The following AGMO variants were observed in gnomAD, a reference collection of about 807,000 sequenced individuals.
AGMO encodes the protein glyceryl-ether monooxygenase.
In AGMO, 75 loss-of-function variants were observed where a neutral mutation model predicts 60.2. That is an observed-to-expected ratio of 1.25 (90% confidence interval 1.03 to 1.51). The LOEUF (loss-of-function observed/expected upper bound fraction) is 1.51. Ranked by LOEUF, AGMO falls within the 40% of genes most tolerant of loss-of-function variation. The pLI, the probability that AGMO is intolerant of heterozygous loss-of-function variation, is 0.00. For missense variants in AGMO, 763 were observed against 525.5 expected, an observed-to-expected ratio of 1.45 and a Z score of -4.42; for synonymous variants, 261 against 177.1, an observed-to-expected ratio of 1.47 and a Z score of -3.76.
chr7:15,348,143 T>A (rs1412701506), intron 12 of AGMO, among the ~76,000 whole-genome samples: 1 of 152,048 alleles, frequency 6.6e-6, no homozygotes, highest in Non-Finnish European at 1.5e-5. Context: ...AGAATCCCTA[T>A]TGACATGTAA....
Position 15,560,901 on chromosome 7 carries a change from T to C in AGMO, c.127-630A>G, listed in dbSNP as rs549837413. Among the ~76,000 whole-genome samples, 5 of 152,278 alleles carry C rather than the reference T, an allele frequency of 3.3e-5. No homozygotes were observed. In the South Asian group the frequency reaches 6.2e-4, roughly 19 times the overall value. The stretch of plus-strand genomic sequence containing the variant: ...TTGAATTTGGTTTGATATTGCAGTA[T>C]AAACAATAATAATTTATGAAGATAT... On this transcript the variant is annotated intron_variant, in intron 1 of 12. Transcript: ENST00000342526.
At chr7:15,212,593 T>G (rs896094506) in intron 12 of AGMO, among the ~76,000 whole-genome samples, 2 of 152,014 alleles carry the variant, frequency 1.3e-5, no homozygotes, top group African/African-American at 4.8e-5. Flanking sequence ...ATATTACATT[T>G]TCTACTGACT....
At chr7:15,173,127 T>C in the AGMO span, among the ~76,000 whole-genome samples, 5 of 152,316 alleles carry the variant, frequency 3.3e-5, no homozygotes, top group Admixed American at 2.6e-4. Context: ...AGTAAATCTA[T>C]TGAATATATT....
intron 3 of AGMO, among the ~76,000 whole-genome samples, chr7:15,493,365 CTTTTTT>C (rs71004387): frequency 6.2e-4 from 41 of 66,638 alleles, no homozygotes; most frequent in African/African-American, 2.6e-3. Flanking sequence ...ACACACACTT[CTTTTTT>C]TTTTTTTTTT....
At chr7:15,245,349 G>A (rs28464687) in intron 12 of AGMO, among the ~76,000 whole-genome samples, 2 of 152,078 alleles carry the variant, frequency 1.3e-5, no homozygotes, top group African/African-American at 4.8e-5. Flanking sequence ...TTTGACCAGG[G>A]GAAATGCTAA....
At chr7:15,397,281 C>T (rs945716481) in intron 5 of AGMO, among the ~76,000 whole-genome samples, 5 of 152,012 alleles carry the variant, frequency 3.3e-5, no homozygotes, top group Admixed American at 6.6e-5. Context: ...CCAGCAGGCG[C>T]CGGCTGGCCG....
chr7:15,302,515 A>G (rs996675672), intron 12 of AGMO, among the ~76,000 whole-genome samples: 1 of 152,194 alleles, frequency 6.6e-6, no homozygotes, highest in Non-Finnish European at 1.5e-5. Context: ...AAACTTCAAA[A>G]TATAATACAG....
In AGMO at chr7:15,354,470, ATACACACGTGTG is replaced by A. The variant is rs1782427874; in HGVS notation, c.1263+11032_1263+11043del. Among the ~76,000 whole-genome samples the A allele has an allele frequency of 4.3e-4, 12 of 27,628 alleles. 2 individuals are homozygous for A. The highest frequency in any genetic ancestry group is 7.1e-4 in the African/African-American group (4 of 5,632). The allele number at this position is 27,628 out of a possible 152,430, so 18.1% of individuals were successfully genotyped here. ...CGTGTGTGTATACACACGTGTGTGT[ATACACACGTGTG>A]TATATACACACGTGTATATATATAT... On this transcript the variant is annotated intron_variant, in intron 12 of 12. Transcript: ENST00000342526.
chr7:15,349,925 G>T (rs1345311685), intron 12 of AGMO, among the ~76,000 whole-genome samples: 1 of 152,048 alleles, frequency 6.6e-6, no homozygotes, highest in Admixed American at 6.6e-5. Context: ...GGGATTATGG[G>T]AACTAAAATT....
intron 3 of AGMO, among the ~76,000 whole-genome samples, chr7:15,495,835 T>C (rs556918534): frequency 1.5e-5 from 2 of 136,232 alleles, no homozygotes; most frequent in African/African-American, 5.9e-5. Context: ...TCTCTCTCTC[T>C]CTCTCTCCTC....
chr7:15,322,641 AATATATAAATAT>A (rs1465814590), intron 12 of AGMO, among the ~76,000 whole-genome samples: 1 of 50,712 alleles, frequency 2.0e-5, no homozygotes, highest in South Asian at 6.9e-4. Flanking sequence ...AATATATATA[AATATATAAATAT>A]ATATATAAAT....
chr7:15,280,558 G>A (rs999023237), intron 12 of AGMO, among the ~76,000 whole-genome samples: 4 of 152,106 alleles, frequency 2.6e-5, no homozygotes, highest in Admixed American at 2.6e-4. Flanking sequence ...CAGCTCTACG[G>A]CCCCACCTAT....
the AGMO span, among the ~76,000 whole-genome samples, chr7:15,120,305 C>G: frequency 6.6e-6 from 1 of 152,036 alleles, no homozygotes; most frequent in Non-Finnish European, 1.5e-5. Flanking sequence ...ATGGTTGATC[C>G]TAAGATCTCA....
intron 12 of AGMO, among the ~76,000 whole-genome samples, chr7:15,263,376 G>T (rs1783334405): frequency 6.6e-6 from 1 of 150,744 alleles, no homozygotes; most frequent in African/African-American, 2.5e-5. Context: ...AAACCACAAT[G>T]CGATAACACC....
At chr7:15,316,609 TACAC>T (rs67680341) in intron 12 of AGMO, among the ~76,000 whole-genome samples, 3 of 151,208 alleles carry the variant, frequency 2.0e-5, no homozygotes, top group Admixed American at 6.6e-5. Context: ...CCAACAAATA[TACAC>T]ACACACACAC....
chr7:15,124,631 G>A, the AGMO span, among the ~76,000 whole-genome samples: 3 of 152,014 alleles, frequency 2.0e-5, no homozygotes, highest in Non-Finnish European at 2.9e-5. Flanking sequence ...AGATGGTGTT[G>A]TCCTCCTCTC....
chr7:15,176,139 T>C, the AGMO span, among the ~76,000 whole-genome samples: 1 of 152,032 alleles, frequency 6.6e-6, no homozygotes, highest in Admixed American at 6.6e-5. Flanking sequence ...TGCTTCAAGA[T>C]TTATACTTAA....
At chr7:15,385,773 A>G (rs1783886708) in intron 9 of AGMO, among the ~76,000 whole-genome samples, 1 of 152,224 alleles carries the variant, frequency 6.6e-6, no homozygotes, top group South Asian at 2.1e-4. Context: ...AGAGCAGCAT[A>G]AGAACTAATT....
the AGMO span, among the ~76,000 whole-genome samples, chr7:15,141,574 A>G: frequency 3.0e-4 from 46 of 152,300 alleles, no homozygotes; most frequent in African/African-American, 1.1e-3. Flanking sequence ...TGACAGAGCT[A>G]GAATCCGCCT....
Sources: gnomAD v4.1 joint callset for allele counts (sites outside exome capture counted in the v4.1 genomes callset) on GRCh38, gnomAD v4.1.1 for gene constraint, MANE v1.5 for transcripts, NCBI Gene and HGNC (gene_info 2026-07-23, HGNC 2026-07-21) for gene names.